The following DYNC2H1 variants were observed in gnomAD, a reference collection of about 807,000 sequenced individuals.
DYNC2H1 encodes dynein cytoplasmic 2 heavy chain 1, also known as cytoplasmic dynein 2 heavy chain 1.
In DYNC2H1, 410 loss-of-function variants were observed where a neutral mutation model predicts 570.0. That is an observed-to-expected ratio of 0.72 (90% CI 0.66 to 0.78). The LOEUF (loss-of-function observed/expected upper bound fraction) is 0.78. Ranked by LOEUF, DYNC2H1 falls within the 30% of genes least tolerant of loss-of-function variation. DYNC2H1 has a pLI of 0.00. For synonymous variants in DYNC2H1, 1,688 were observed against 1,677.6 expected (o/e 1.01, Z -0.15); for missense variants, 4,865 against 5,046.4 (o/e 0.96, Z 1.09).
In DYNC2H1 at chr11:103,323,890, A is replaced by C. The variant is rs766820121; in HGVS notation, c.11939A>C (p.Tyr3980Ser). 1 of 1,611,736 alleles carries C rather than the reference A, an allele frequency of 6.2e-7. No individual in the cohort carries two copies. The highest frequency in any genetic ancestry group is 2.2e-5 in the East Asian group (1 of 44,804). Reference protein sequence around the residue: ...SLPQSCSILDYRAVIEKIPED... With the variant: ...SLPQSCSILDSRAVIEKIPED... The stretch of plus-strand genomic sequence containing the variant: ...TTTTCACTTCTTTATATTTAGGACT[A>C]TCGTGCTGTCATTGAGAAAATTCCA... The change falls in exon 82 of 89, where the codon TAT (tyrosine) becomes TCT (serine). Residue 3980 changes from tyrosine to serine, a missense_variant. Tyr to Ser is a moderately radical substitution (Grantham distance 144). Around this residue, in one of 5 missense-constraint regions of DYNC2H1, gnomAD observed 2,401 missense variants for 2,454.6 expected, o/e 0.98. Transcript: ENST00000375735.
chr11:103,175,164 A>G (rs977383849), intron 36 of DYNC2H1, among the ~76,000 whole-genome samples: 5 of 152,172 alleles, frequency 3.3e-5, no homozygotes, highest in Non-Finnish European at 7.4e-5. Flanking sequence ...GAAAGGCTGA[A>G]TAATCAGTTT....
In DYNC2H1 at chr11:103,125,294, A is replaced by G. The variant is rs1858933013; in HGVS notation, c.1856A>G (p.Gln619Arg). The G allele has an allele frequency of 1.3e-6, 2 of 1,594,884 alleles. No homozygotes were observed. The highest frequency in any genetic ancestry group is 1.1e-5 in the South Asian group (1 of 88,216). ...TGCAAGCAAGCAATTATTCTTAAAC[A>G]AGTATGAAATTACATTTTTTGAATA... The part of the protein sequence containing the change: ...KFCKQAIILK[Q>R]VAHFYNSIDQ... Residue 619 changes from glutamine (Q) to arginine (R), a missense_variant and splice_region_variant, in exon 12 of 89, where the codon CAA becomes CGA. By Grantham distance (43) the Gln-to-Arg change is conservative. Around this residue, in one of 5 missense-constraint regions of DYNC2H1, gnomAD observed 1,936 missense variants for 1,962.1 expected, o/e 0.99. Coordinates refer to ENST00000375735, the MANE Select transcript of DYNC2H1 (RefSeq NM_001377.3).
Position 103,198,167 on chromosome 11 carries a change from T to G in DYNC2H1, c.7839+104T>G. On this transcript the variant is annotated intron_variant, in intron 48 of 88. Coordinates refer to ENST00000375735, the MANE Select transcript of DYNC2H1 (RefSeq NM_001377.3). ...GGCATGAATATGATAGATTGTAGAA[T>G]AGGCAAAGCTGGTTCTTATCTTTTG... is the stretch of plus-strand genomic sequence containing the variant. The G allele has an allele frequency of 3.9e-6, 5 of 1,283,172 alleles. No individual in the cohort carries two copies. The East Asian group carries it at 1.3e-4, about 33-fold the overall frequency. The allele number at this position is 1,283,172 out of a possible 1,614,324, so 79.5% of individuals were successfully genotyped here. A position where few individuals can be genotyped will look rare whatever the true frequency, so the allele number is the denominator to read the frequency against.
At chr11:103,124,445 CAA>C (rs34997507) in intron 11 of DYNC2H1, among the ~76,000 whole-genome samples, 182 of 71,396 alleles carry the variant, frequency 2.5e-3, no homozygotes, top group Middle Eastern at 8.5e-3. Flanking sequence ...TACCCTGTCT[CAA>C]AAAAAAAAAA....
At chr11:103,219,639 C>T (rs577992856) in intron 55 of DYNC2H1, among the ~76,000 whole-genome samples, 22 of 152,030 alleles carry the variant, frequency 1.4e-4, no homozygotes, top group African/African-American at 4.8e-4. Flanking sequence ...GAGAAAATTA[C>T]GTTTTTCTAT....
chr11:103,456,344 G>A lies in DYNC2H1; in HGVS notation c.12636G>A (p.Lys4212=), dbSNP rs1172992679. ...ASWKGRLQEA[K]LQIKISGLLL... ...GGAAAGGTCGACTGCAAGAAGCAAA[G>A]CTACAAATTAAGGTACTAGACTAAT... Residue 4212 remains lysine (K), a synonymous_variant, in exon 87 of 89, where the codon AAG becomes AAA. Transcript: ENST00000375735. The A allele has an allele frequency of 6.3e-7, 1 of 1,599,814 alleles. No homozygotes were observed. Among genetic ancestry groups the A allele is most frequent in the African/African-American group, 1.3e-5 (1 of 74,822 alleles).
intron 83 of DYNC2H1, among the ~76,000 whole-genome samples, chr11:103,370,187 T>A (rs1446947347): frequency 1.3e-5 from 2 of 152,234 alleles, no homozygotes; most frequent in African/African-American, 4.8e-5. Flanking sequence ...TAGAGGCTCC[T>A]TATGAGCCTG....
intron 75 of DYNC2H1, among the ~76,000 whole-genome samples, chr11:103,290,122 A>C (rs1370834159): frequency 6.6e-6 from 1 of 152,110 alleles, no homozygotes; most frequent in East Asian, 1.9e-4. Flanking sequence ...TCTATTTGCA[A>C]TGGCCCTATT....
chr11:103,316,766 C>G, intron 80 of DYNC2H1, 146 bp downstream of exon 80: 1 of 554,246 alleles, frequency 1.8e-6, no homozygotes. Flanking sequence ...GACTTCTATA[C>G]CTGTGTTATC....
intron 78 of DYNC2H1, among the ~76,000 whole-genome samples, chr11:103,308,139 T>A (rs1867388573): frequency 6.6e-6 from 1 of 152,196 alleles, no homozygotes; most frequent in African/African-American, 2.4e-5. Context: ...GAACTTTTTT[T>A]ATCTTGCAAA....
chr11:103,410,434 G>T (rs1307412330), intron 84 of DYNC2H1, among the ~76,000 whole-genome samples: 1 of 152,042 alleles, frequency 6.6e-6, no homozygotes, highest in Non-Finnish European at 1.5e-5. Context: ...TTTAGGGTTT[G>T]CTGAAGATGG....
chr11:103,318,660 G>A (rs1449201044), intron 80 of DYNC2H1, among the ~76,000 whole-genome samples: 1 of 151,962 alleles, frequency 6.6e-6, no homozygotes, highest in African/African-American at 2.4e-5. Flanking sequence ...TAGGCCACAG[G>A]TTATGCATTT....
At chr11:103,411,230 T>TTACTCATAATTTTTTACTAA (rs1943074392) in intron 84 of DYNC2H1, among the ~76,000 whole-genome samples, 2 of 152,160 alleles carry the variant, frequency 1.3e-5, no homozygotes, top group Non-Finnish European at 2.9e-5. Context: ...AAAGTTGAGT[T>TTACTCATAATTTTTTACTAA]GGCAGAGGTT....
At chr11:103,417,381 G>A (rs763715489) in intron 84 of DYNC2H1, among the ~76,000 whole-genome samples, 116 of 152,114 alleles carry the variant, frequency 7.6e-4, no homozygotes, top group Non-Finnish European at 1.2e-3. Flanking sequence ...GATTACAGGC[G>A]TGAGCCATCA....
intron 52 of DYNC2H1, among the ~76,000 whole-genome samples, chr11:103,207,157 T>C (rs936193531): frequency 2.0e-5 from 3 of 151,612 alleles, no homozygotes; most frequent in Admixed American, 6.6e-5. Flanking sequence ...CTGACCTCAA[T>C]TGATCCACCT....
rs1009870843 is a variant in DYNC2H1 at position 103,252,822 on chromosome 11, T to C, written c.10043-463T>C. Among the ~76,000 whole-genome samples, 3 of 152,238 alleles carry C rather than the reference T, an allele frequency of 2.0e-5. No individual in the cohort carries two copies. The highest frequency in any genetic ancestry group is 7.2e-5 in the African/African-American group (3 of 41,472). ...ATTCTTTCATTTTGTTGATAATGTG[T>C]ATTTTTCAGTTACTCATGTGATAAT... On this transcript the variant is annotated intron_variant, in intron 65 of 88. Coordinates refer to ENST00000375735, the MANE Select transcript of DYNC2H1 (RefSeq NM_001377.3). The surrounding 1 kb of genome is among the most constrained non-coding windows in gnomAD (Gnocchi z 4.6).
At chr11:103,265,583 A>T (rs948777347) in intron 70 of DYNC2H1, among the ~76,000 whole-genome samples, 5 of 152,030 alleles carry the variant, frequency 3.3e-5, no homozygotes, top group African/African-American at 1.2e-4. Flanking sequence ...GCTTTCTTGG[A>T]TTGCCTTTCA....
At chr11:103,137,657 G>A (rs1377332158) in intron 17 of DYNC2H1, among the ~76,000 whole-genome samples, 1 of 151,988 alleles carries the variant, frequency 6.6e-6, no homozygotes, top group East Asian at 1.9e-4. Context: ...AAGTCAGGTA[G>A]CGTGATGCCT....
intron 70 of DYNC2H1, among the ~76,000 whole-genome samples, chr11:103,262,846 A>C (rs1426581219): frequency 1.3e-5 from 2 of 152,116 alleles, no homozygotes; most frequent in Admixed American, 1.3e-4. Context: ...CACACATAAC[A>C]ATATTAACCT....
Sources: gnomAD v4.1 joint callset for allele counts (sites outside exome capture counted in the v4.1 genomes callset) on GRCh38, gnomAD v4.1.1 for gene constraint, gnomAD v4.1.1 regional missense constraint, Gnocchi (gnomAD v3.1) non-coding constraint, MANE v1.5 for transcripts, NCBI Gene and HGNC (gene_info 2026-07-23, HGNC 2026-07-21) for gene names.